Variants in STK25 observed in about 807,000 individuals in gnomAD.
STK25 encodes the protein serine/threonine-protein kinase 25.
In STK25, 29 loss-of-function variants were observed where a neutral mutation model predicts 53.8. The ratio of observed to expected loss-of-function variants is 0.54; its 90% CI spans 0.40 to 0.74. STK25 has a LOEUF of 0.74. STK25 is among the 30% of genes least tolerant of loss of function. The pLI is 0.00. For missense variants in STK25, 420 were observed against 568.0 expected (o/e 0.74, Z 2.65); for synonymous variants, 247 against 238.3 (o/e 1.04, Z -0.33).
At chr2:241,506,447 C>G (rs970670052) in intron 2 of STK25, among the ~76,000 whole-genome samples, 1 of 152,226 alleles carries the variant, frequency 6.6e-6, no homozygotes, top group Non-Finnish European at 1.5e-5. Context: ...TCCTGTGACC[C>G]AAAGGAGTTA....
chr2:241,501,407 C>G lies in STK25; in HGVS notation c.261+71G>C. 1.4e-6 allele frequency: 2 copies of G among 1,463,106 alleles called. No homozygotes were observed. Among genetic ancestry groups the G allele is most frequent in the Non-Finnish European group, 1.9e-6 (2 of 1,057,572 alleles). 90.6% of individuals were successfully genotyped at this position (1,463,106 alleles called of 1,614,324 possible). On this transcript the variant is annotated intron_variant, in intron 3 of 11. Coordinates refer to ENST00000316586, the MANE Select transcript of STK25 (RefSeq NM_001271977.2). The surrounding 1 kb of genome is among the most constrained non-coding windows in gnomAD (Gnocchi z 5.3). ...CCGCCTTGCACCCTCTGGCATGTCA[C>G]TCAGTCCCTCTGACATGGAAGAGAG... is the stretch of plus-strand genomic sequence containing the variant.
Position 241,493,355 on chromosome 2 carries a change from C to T in STK25, c.*2307G>A, listed in dbSNP as rs759043812. ...ACAGCGTGAGCATCCCCAGGGAGGC[C>T]GATGGCATACACAAAGACTATGTTT... On this transcript the variant is annotated 3_prime_UTR_variant, in exon 12 of 12. Coordinates refer to ENST00000316586, the MANE Select transcript of STK25 (RefSeq NM_001271977.2). 6.2e-6 allele frequency: 10 copies of T among 1,613,826 alleles called. No individual in the cohort carries two copies. Among genetic ancestry groups the T allele is most frequent in the Admixed American group, 5.0e-5 (3 of 60,002 alleles).
intron 8 of STK25, 111 bp from the exon 9 acceptor site, chr2:241,498,460 G>T (rs976792940): frequency 1.6e-6 from 2 of 1,269,188 alleles, no homozygotes; most frequent in Admixed American, 5.0e-5. Flanking sequence ...ACGGGGCTCT[G>T]CCAGGCCACG....
chr2:241,508,288 G>T (rs997654533), intron 1 of STK25, 153 bp from the exon 2 acceptor site: 4 of 1,267,326 alleles, frequency 3.2e-6, no homozygotes, highest in Non-Finnish European at 4.0e-6. Flanking sequence ...GCTCCCGGGG[G>T]CTCGCCGCCC....
chr2:241,501,379 A>G lies in STK25; in HGVS notation c.261+99T>C. The G allele has an allele frequency of 7.9e-7, 1 of 1,269,626 alleles. No homozygotes were observed. The highest frequency in any genetic ancestry group is 1.1e-6 in the Non-Finnish European group (1 of 890,322). 78.6% of individuals were successfully genotyped at this position (1,269,626 alleles called of 1,614,324 possible). A position where few individuals can be genotyped will look rare whatever the true frequency, so the allele number is the denominator to read the frequency against. On this transcript the variant is annotated intron_variant, in intron 3 of 11. Coordinates refer to ENST00000316586, the MANE Select transcript of STK25 (RefSeq NM_001271977.2). The surrounding 1 kb of genome is among the most constrained non-coding windows in gnomAD (Gnocchi z 5.3). ...CCGGAGGGCATGCACTGAACCGTCAAGACCGCCTTGCACCCTCTGGCATGT... is the reference window on the plus strand; with the variant it reads ...CCGGAGGGCATGCACTGAACCGTCAGGACCGCCTTGCACCCTCTGGCATGT...
intron 2 of STK25, among the ~76,000 whole-genome samples, chr2:241,505,856 A>T (rs1045557495): frequency 1.8e-4 from 27 of 152,076 alleles, no homozygotes; most frequent in Admixed American, 1.3e-3. Flanking sequence ...GGAGGCTGCG[A>T]ATCCTCTTTT....
chr2:241,501,329 C>T lies in STK25; in HGVS notation c.261+149G>A, dbSNP rs1476368820. The T allele has an allele frequency of 2.6e-6, 2 of 781,590 alleles. No individual in the cohort carries two copies. The highest frequency in any genetic ancestry group is 1.6e-5 in the South Asian group (1 of 63,606). The allele number at this position is 781,590 out of a possible 1,614,324, so 48.4% of individuals were successfully genotyped here. ...ACTGACCCTCGTGGACGAGGGCTCA[C>T]ACCCTGCCTGCCCAGGGCAGTTTCC... On this transcript the variant is annotated intron_variant, in intron 3 of 11. Transcript: ENST00000316586. This position sits in a 1 kb window ranked among gnomAD's most constrained non-coding sequence, Gnocchi z 5.3.
In STK25 at chr2:241,498,247, G is replaced by C; in HGVS notation, c.1020C>G (p.His340Gln). 1.2e-6 allele frequency: 2 copies of C among 1,612,746 alleles called. No homozygotes were observed. Among genetic ancestry groups the C allele is most frequent in the Non-Finnish European group, 1.7e-6 (2 of 1,179,024 alleles). Reference protein sequence around the residue: ...HSKLHKGTALHSSQKPAEPVK... With the variant: ...HSKLHKGTALQSSQKPAEPVK... ...GCCAGGAACAGACCTTCTGTGAACT[G>C]TGCAGGGCCGTCCCCTTGTGAAGCT... The change falls in exon 9 of 12, where the codon CAC (histidine) becomes CAG (glutamine). Residue 340 changes from histidine to glutamine, a missense_variant. Transcript: ENST00000316586.
At chr2:241,497,354 A>C in intron 10 of STK25, 1 of 476,224 alleles carries the variant, frequency 2.1e-6, no homozygotes, top group Non-Finnish European at 3.8e-6. Flanking sequence ...TGCTTTCTCT[A>C]TAGAAGGATC....
chr2:241,508,271 C>G, intron 1 of STK25, 136 bp from the exon 2 acceptor site: 1 of 1,287,834 alleles, frequency 7.8e-7, no homozygotes, highest in Non-Finnish European at 9.8e-7. Flanking sequence ...CCGGGCCTAA[C>G]GCCCAGGCTC....
chr2:241,505,501 G>A (rs918430535), intron 2 of STK25, among the ~76,000 whole-genome samples: 6 of 152,074 alleles, frequency 3.9e-5, no homozygotes, highest in South Asian at 2.1e-4. Flanking sequence ...CCACCCCTCC[G>A]ACTCTTCAGG....
At chr2:241,500,033 C>G (rs1416155030) in intron 5 of STK25, 140 bp downstream of exon 5, 2 of 733,162 alleles carry the variant, frequency 2.7e-6, no homozygotes, top group South Asian at 1.5e-5. Flanking sequence ...GACAGGACTG[C>G]TCAGTTTCAG....
At chr2:241,509,291 G>A (rs1044223243), upstream of STK25, 2 of 152,384 alleles carry the variant, frequency 1.3e-5, no homozygotes, top group Admixed American at 6.5e-5. Flanking sequence ...TAGAGCGCGG[G>A]ACGCGCCCAG....
chr2:241,493,957 G>A lies in STK25; in HGVS notation c.*1705C>T. 8.6e-7 allele frequency: 1 copy of A among 1,162,038 alleles called. No individual in the cohort carries two copies. Among genetic ancestry groups the A allele is most frequent in the African/African-American group, 1.6e-5 (1 of 62,858 alleles). The allele number at this position is 1,162,038 out of a possible 1,614,324, so 72.0% of individuals were successfully genotyped here. A position where few individuals can be genotyped will look rare whatever the true frequency, so the allele number is the denominator to read the frequency against. On this transcript the variant is annotated 3_prime_UTR_variant, in exon 12 of 12. Coordinates refer to ENST00000316586, the MANE Select transcript of STK25 (RefSeq NM_001271977.2). ...CATATCCTGGGTTGTTCTTGGGACA[G>A]TGTCTGAGCACAAGATGGCTCACTG... is the stretch of plus-strand genomic sequence containing the variant.
rs768802413 is a variant in STK25, at chr2:241,494,062, C to T, written c.*1600G>A. ...GCTCAGCCGGGAGGGCCCCAAGCAT[C>T]GTGCAGGATGGCCCCCAACCCTCCT... On this transcript the variant is annotated 3_prime_UTR_variant, in exon 12 of 12. Coordinates refer to ENST00000316586, the MANE Select transcript of STK25 (RefSeq NM_001271977.2). The surrounding 1 kb of genome is among the most constrained non-coding windows in gnomAD (Gnocchi z 4.9). The T allele has an allele frequency of 1.7e-5, 25 of 1,429,386 alleles. No homozygotes were observed. In the Admixed American group the frequency reaches 4.0e-4, roughly 23 times the overall value. The allele number at this position is 1,429,386 out of a possible 1,614,324, so 88.5% of individuals were successfully genotyped here.
intron 11 of STK25, among the ~76,000 whole-genome samples, chr2:241,495,914 C>G (rs539250377): frequency 1.3e-4 from 20 of 152,364 alleles, no homozygotes; most frequent in Admixed American, 6.5e-4. Context: ...GGAAGGGGTC[C>G]CTGTGTGTGG....
rs1178582626 is a variant in STK25, at chr2:241,500,157, C to T, written c.427+16G>A. On this transcript the variant is annotated intron_variant, in intron 5 of 11. Coordinates refer to ENST00000316586, the MANE Select transcript of STK25 (RefSeq NM_001271977.2). ...GCTCAGGACGTTACAAGAGCCACAT[C>T]CACCCCCAGCAGGACCTTTGATGTC... 6.2e-7 allele frequency: 1 copy of T among 1,608,646 alleles called. No homozygotes were observed. The highest frequency in any genetic ancestry group is 8.5e-7 in the Non-Finnish European group (1 of 1,175,130).
chr2:241,507,703 C>A (rs1158173071), intron 2 of STK25, among the ~76,000 whole-genome samples: 1 of 152,262 alleles, frequency 6.6e-6, no homozygotes, highest in East Asian at 1.9e-4. Flanking sequence ...GCGCTGGGGG[C>A]AGCGCCCCGT....
intron 10 of STK25, 64 bp downstream of exon 10, chr2:241,497,552 G>T (rs145531553): frequency 6.6e-7 from 1 of 1,526,112 alleles, no homozygotes; most frequent in Non-Finnish European, 9.1e-7. Flanking sequence ...AGACATCTCC[G>T]TGCAACAGTG....
Sources: allele counts gnomAD v4.1 joint callset (sites outside exome capture counted in the v4.1 genomes callset), GRCh38; gene constraint gnomAD v4.1.1; non-coding constraint Gnocchi (gnomAD v3.1); transcripts MANE v1.5; gene names NCBI Gene and HGNC (gene_info 2026-07-23, HGNC 2026-07-21).